The following ABTB2 variants were observed in gnomAD, a reference collection of about 807,000 sequenced individuals.
The protein encoded by ABTB2 is ankyrin repeat and BTB domain containing 2, also known as ankyrin repeat and BTB/POZ domain-containing protein 2.
Under a neutral mutation model 104.1 loss-of-function variants are expected in ABTB2, and 56 were observed. That is an observed-to-expected ratio of 0.54 (90% CI 0.43 to 0.67). ABTB2 has a LOEUF of 0.67. Ranked by LOEUF, ABTB2 falls within the 30% of genes least tolerant of loss-of-function variation. The pLI is 0.00. For missense variants in ABTB2, 1,279 were observed against 1,407.7 expected (o/e 0.91, Z 1.46); for synonymous variants, 606 against 608.2 (o/e 1.00, Z 0.05).
At chr11:34,168,603 G>T (rs1365121700) in intron 5 of ABTB2, among the ~76,000 whole-genome samples, 1 of 152,244 alleles carries the variant, frequency 6.6e-6, no homozygotes, top group Non-Finnish European at 1.5e-5. Context: ...GAGCAGAGAA[G>T]GGGAACTGAC....
Position 34,216,593 on chromosome 11 carries a change from A to G in ABTB2, c.884-11903T>C, listed in dbSNP as rs536548112. 5.3e-5 allele frequency among the ~76,000 whole-genome samples: 8 copies of G among 152,196 alleles called. No homozygotes were observed. In the South Asian group the frequency reaches 1.7e-3, roughly 32 times the overall value. ...TGGTAAAACCCCATCTCTACTAAAAATACTAAAATTAGCCAGGCGTGGTGG... is the reference window on the plus strand; with the variant it reads ...TGGTAAAACCCCATCTCTACTAAAAGTACTAAAATTAGCCAGGCGTGGTGG... On this transcript the variant is annotated intron_variant, in intron 1 of 16. Transcript: ENST00000435224.
At position 34,154,983 on chromosome 11, in the gene ABTB2, G is replaced by A. The variant is rs746933089; in HGVS notation, c.2698-214C>T. Among the ~76,000 whole-genome samples the A allele has an allele frequency of 6.6e-6, 1 of 152,122 alleles. No homozygotes were observed. The highest frequency in any genetic ancestry group is 2.4e-5 in the African/African-American group (1 of 41,424). The stretch of plus-strand genomic sequence containing the variant: ...GACCCTCTCTCCTGAGTCCCTGCCC[G>A]GATAACAGGCTCTCTCCTTGGAATG... On this transcript the variant is annotated intron_variant, in intron 14 of 16. Transcript: ENST00000435224. The surrounding 1 kb of genome is among the most constrained non-coding windows in gnomAD (Gnocchi z 4.9).
chr11:34,319,226 T>G (rs1854973047), intron 1 of ABTB2, among the ~76,000 whole-genome samples: 1 of 152,244 alleles, frequency 6.6e-6, no homozygotes, highest in Non-Finnish European at 1.5e-5. Context: ...TCAGGCCTTC[T>G]TCCCCACAAC....
chr11:34,185,581 GT>G (rs11313972), intron 3 of ABTB2, among the ~76,000 whole-genome samples: 147,411 of 152,288 alleles, frequency 0.97, 71,529 homozygotes, highest in East Asian at 1. Context: ...AACAGCCTTT[GT>G]AGAGGGTAGG....
intron 1 of ABTB2, among the ~76,000 whole-genome samples, chr11:34,264,817 C>CCT (rs1273502609): frequency 2.0e-5 from 3 of 152,172 alleles, no homozygotes; most frequent in Non-Finnish European, 4.4e-5. Flanking sequence ...CTGGCCCTGG[C>CCT]CAGACCCCTC....
intron 10 of ABTB2, among the ~76,000 whole-genome samples, chr11:34,161,851 G>A (rs1421033591): frequency 6.6e-6 from 1 of 152,180 alleles, no homozygotes; most frequent in Non-Finnish European, 1.5e-5. Context: ...GTATCCTTGG[G>A]TTATTGACTG....
intron 1 of ABTB2, among the ~76,000 whole-genome samples, chr11:34,253,123 G>A (rs752501185): frequency 6.6e-6 from 1 of 152,184 alleles, no homozygotes; most frequent in Non-Finnish European, 1.5e-5. Flanking sequence ...GCTCCTCCAG[G>A]TGGAAAGCAC....
chr11:34,197,543 T>TG lies in ABTB2; in HGVS notation c.1031-6dup, dbSNP rs1374083789. On this transcript the variant is annotated splice_polypyrimidine_tract_variant and splice_region_variant and intron_variant, in intron 2 of 16. Transcript: ENST00000435224. ...TGGCACGGGAGACCAAGTCACCTGG[T>TG]GGGGGGCGGGGAGGGCAGAGGGGAG... 2 of 1,552,398 alleles carry TG rather than the reference T, an allele frequency of 1.3e-6. No individual in the cohort carries two copies. Among genetic ancestry groups the TG allele is most frequent in the Non-Finnish European group, 1.7e-6 (2 of 1,153,944 alleles).
At chr11:34,196,268 C>T (rs915759153) in intron 3 of ABTB2, among the ~76,000 whole-genome samples, 4 of 152,124 alleles carry the variant, frequency 2.6e-5, no homozygotes, top group African/African-American at 9.7e-5. Context: ...AAAAGGTATC[C>T]TAAGACCGGG....
chr11:34,321,675 G>C (rs1855004821), intron 1 of ABTB2, among the ~76,000 whole-genome samples: 1 of 152,216 alleles, frequency 6.6e-6, no homozygotes, highest in African/African-American at 2.4e-5. Flanking sequence ...ACCTTGGCCT[G>C]CATCAAGATG....
At position 34,292,732 on chromosome 11, in the gene ABTB2, A is replaced by T. The variant is rs564517021; in HGVS notation, c.883+63969T>A. On this transcript the variant is annotated intron_variant, in intron 1 of 16. Transcript: ENST00000435224. ...AGGGACAGGGGAGTGGAGCTCCCTC[A>T]TAGGGAGGTCAGGGAGGGCTGCCTG... is the stretch of plus-strand genomic sequence containing the variant. Among the ~76,000 whole-genome samples the T allele has an allele frequency of 1.2e-3, 190 of 152,260 alleles. No homozygotes were observed. In the Middle Eastern group the frequency reaches 0.014, roughly 11 times the overall value.
intron 1 of ABTB2, chr11:34,242,622 C>G (rs1853933381): frequency 6.6e-6 from 1 of 152,164 alleles, no homozygotes; most frequent in Admixed American, 6.5e-5. Flanking sequence ...ACTGCATTAA[C>G]TCTGAGGGAA....
chr11:34,292,828 A>AACAGC lies in ABTB2; in HGVS notation c.883+63868_883+63872dup, dbSNP rs551186880. ...TGTGATGGGGCCACTGGGTGAAGGTAACAGCAGGTACAAACCCCCAGAGGG... is the reference window on the plus strand; with the variant it reads ...TGTGATGGGGCCACTGGGTGAAGGTAACAGCACAGCAGGTACAAACCCCCAGAGGG... On this transcript the variant is annotated intron_variant, in intron 1 of 16. Coordinates refer to ENST00000435224, the MANE Select transcript of ABTB2 (RefSeq NM_145804.3). Among the ~76,000 whole-genome samples the AACAGC allele has an allele frequency of 6.6e-5, 10 of 152,312 alleles. No individual in the cohort carries two copies. The South Asian group carries it at 1.5e-3, about 22-fold the overall frequency.
At chr11:34,204,371 G>A (rs1223944344) in intron 2 of ABTB2, among the ~76,000 whole-genome samples, 173 bp downstream of exon 2, 1 of 152,228 alleles carries the variant, frequency 6.6e-6, no homozygotes, top group Non-Finnish European at 1.5e-5. Flanking sequence ...CCAGATTTGT[G>A]TATTTGCAAC....
intron 1 of ABTB2, among the ~76,000 whole-genome samples, chr11:34,230,432 A>T (rs893623594): frequency 3.3e-5 from 5 of 152,106 alleles, no homozygotes; most frequent in African/African-American, 1.2e-4. Context: ...AACAATACCT[A>T]AAATAACTTT....
chr11:34,312,324 T>C (rs374079507), intron 1 of ABTB2, among the ~76,000 whole-genome samples: 40 of 152,248 alleles, frequency 2.6e-4, no homozygotes, highest in African/African-American at 9.4e-4. Flanking sequence ...AGAGGGTCTC[T>C]ACGAGGCAAG....
intron 1 of ABTB2, among the ~76,000 whole-genome samples, chr11:34,250,360 C>T (rs556276398): frequency 2.4e-4 from 36 of 152,324 alleles, no homozygotes; most frequent in Non-Finnish European, 3.5e-4. Context: ...TCATCCCCAG[C>T]ACCCATGAAG....
Position 34,224,297 on chromosome 11 carries a change from A to G in ABTB2, c.884-19607T>C, listed in dbSNP as rs1407141242. On this transcript the variant is annotated intron_variant, in intron 1 of 16. Coordinates refer to ENST00000435224, the MANE Select transcript of ABTB2 (RefSeq NM_145804.3). Reference sequence around the variant, plus strand: ...AGTGCTGGGATTATAGGAGCAGGCCACCATGCCCAGCCTAATTTTAATTTT... The same window carrying G: ...AGTGCTGGGATTATAGGAGCAGGCCGCCATGCCCAGCCTAATTTTAATTTT... 3.3e-5 allele frequency among the ~76,000 whole-genome samples: 5 copies of G among 151,518 alleles called. No homozygotes were observed. In the East Asian group the frequency reaches 1.0e-3, roughly 30 times the overall value.
At chr11:34,203,792 C>T (rs866632951) in intron 2 of ABTB2, among the ~76,000 whole-genome samples, 32 of 152,252 alleles carry the variant, frequency 2.1e-4, no homozygotes, top group African/African-American at 6.5e-4. Flanking sequence ...CGGAGAAGGC[C>T]GGAGCAGAGG....
Sources: gnomAD v4.1 joint callset for allele counts (sites outside exome capture counted in the v4.1 genomes callset) on GRCh38, gnomAD v4.1.1 for gene constraint, Gnocchi (gnomAD v3.1) non-coding constraint, MANE v1.5 for transcripts, NCBI Gene and HGNC (gene_info 2026-07-23, HGNC 2026-07-21) for gene names.